The following PPTC7 variants were observed in gnomAD, a reference collection of about 807,000 sequenced individuals.
The protein encoded by PPTC7 is protein phosphatase targeting COQ7, also known as protein phosphatase PTC7 homolog.
PPTC7 carries 6 observed loss-of-function variants against 30.8 expected under a neutral mutation model. The ratio of observed to expected loss-of-function variants is 0.19; its 90% CI spans 0.11 to 0.38. The LOEUF is 0.38. Ranked by LOEUF, PPTC7 falls within the 10% of genes least tolerant of loss-of-function variation. The pLI is 1.00. For synonymous variants in PPTC7, 163 were observed against 168.1 expected (o/e 0.97, Z 0.23); for missense variants, 218 against 404.8 (o/e 0.54, Z 3.96).
At chr12:110,563,338 C>T (rs774018168) in intron 1 of PPTC7, among the ~76,000 whole-genome samples, 1 of 151,998 alleles carries the variant, frequency 6.6e-6, no homozygotes, top group Middle Eastern at 3.4e-3. Flanking sequence ...TGAAAATGGC[C>T]GCATGAGGTG....
intron 1 of PPTC7, among the ~76,000 whole-genome samples, chr12:110,576,196 ATATT>A (rs1183237083): frequency 1.3e-5 from 2 of 152,120 alleles, no homozygotes. Flanking sequence ...GAAATCAGGC[ATATT>A]TAAAGTACTG....
intron 5 of PPTC7, 120 bp from the exon 6 acceptor site, chr12:110,537,215 T>C (rs2064225034): frequency 1.4e-6 from 1 of 692,066 alleles, no homozygotes; most frequent in East Asian, 2.7e-5. Flanking sequence ...GGTTTGTCAG[T>C]ATACCCTAGT....
intron 2 of PPTC7, among the ~76,000 whole-genome samples, chr12:110,551,371 G>A (rs1412968768): frequency 6.6e-6 from 1 of 152,160 alleles, no homozygotes; most frequent in Non-Finnish European, 1.5e-5. Context: ...TGGAGATGGA[G>A]TTTCACTCTT....
chr12:110,551,490 G>T (rs773259948), intron 2 of PPTC7, among the ~76,000 whole-genome samples: 1 of 152,166 alleles, frequency 6.6e-6, no homozygotes, highest in Non-Finnish European at 1.5e-5. Context: ...GGGATTACAG[G>T]CATGCGCCAC....
chr12:110,575,607 C>CAAAA (rs55831249), intron 1 of PPTC7, among the ~76,000 whole-genome samples: 6 of 26,540 alleles, frequency 2.3e-4, no homozygotes, highest in Non-Finnish European at 3.3e-4. Context: ...AACCCCACCT[C>CAAAA]AAAAAAAAAA....
At chr12:110,537,129 T>C in intron 5 of PPTC7, 34 bp from the exon 6 acceptor site, 1 of 1,523,714 alleles carries the variant, frequency 6.6e-7, no homozygotes, top group Non-Finnish European at 9.1e-7. Flanking sequence ...CAGTATATTT[T>C]AAAAGGAAAA....
intron 3 of PPTC7, among the ~76,000 whole-genome samples, chr12:110,545,103 T>G (rs950211683): frequency 6.6e-6 from 1 of 151,278 alleles, no homozygotes; most frequent in Non-Finnish European, 1.5e-5. Context: ...ATTGTTTTGG[T>G]TTTTTTTGAG....
At chr12:110,564,908 T>C (rs1726960271) in intron 1 of PPTC7, among the ~76,000 whole-genome samples, 1 of 150,388 alleles carries the variant, frequency 6.6e-6, no homozygotes, top group Non-Finnish European at 1.5e-5. Flanking sequence ...GAATTTCACT[T>C]TTGTCGTCCA....
chr12:110,553,313 C>CT (rs1007974426), intron 1 of PPTC7, among the ~76,000 whole-genome samples: 6 of 151,524 alleles, frequency 4.0e-5, no homozygotes, highest in Non-Finnish European at 5.9e-5. Context: ...TCACGCCTGG[C>CT]TTTTTTGTAT....
chr12:110,556,767 A>C (rs1269746292), intron 1 of PPTC7, among the ~76,000 whole-genome samples: 1 of 152,152 alleles, frequency 6.6e-6, no homozygotes, highest in East Asian at 1.9e-4. Context: ...GGTCTCTGAG[A>C]AGCTCCCCTG....
chr12:110,563,895 A>AC (rs1033031858), intron 1 of PPTC7, among the ~76,000 whole-genome samples: 1 of 152,250 alleles, frequency 6.6e-6, no homozygotes, highest in African/African-American at 2.4e-5. Context: ...AAAAGTGCTG[A>AC]CATGAGGATT....
At chr12:110,569,280 C>T (rs1593163285) in intron 1 of PPTC7, among the ~76,000 whole-genome samples, 2 of 150,946 alleles carry the variant, frequency 1.3e-5, no homozygotes, top group Admixed American at 6.6e-5. Flanking sequence ...TTGAAGTGAG[C>T]GGAGATCACA....
intron 1 of PPTC7, among the ~76,000 whole-genome samples, chr12:110,557,468 A>G (rs1313788830): frequency 3.9e-5 from 6 of 152,074 alleles, no homozygotes; most frequent in African/African-American, 1.4e-4. Context: ...TTGTAGAAAC[A>G]GGGTCTCACT....
chr12:110,561,103 A>C (rs529358937), intron 1 of PPTC7, among the ~76,000 whole-genome samples: 6 of 152,318 alleles, frequency 3.9e-5, no homozygotes, highest in African/African-American at 1.4e-4. Context: ...TCTAATGAGA[A>C]AGGGGGCTAA....
chr12:110,540,779 CTT>C (rs781591348), intron 3 of PPTC7, among the ~76,000 whole-genome samples: 11 of 142,120 alleles, frequency 7.7e-5, no homozygotes, highest in South Asian at 2.2e-4. Context: ...ACATGCCAAT[CTT>C]TTTTTTTTTT....
intron 1 of PPTC7, among the ~76,000 whole-genome samples, chr12:110,575,261 A>G (rs2064578694): frequency 6.6e-6 from 1 of 152,158 alleles, no homozygotes; most frequent in Non-Finnish European, 1.5e-5. Context: ...TAAAACTTCC[A>G]GTTTGAAAAG....
chr12:110,582,774 G>A (rs751773011), intron 1 of PPTC7, 35 bp downstream of exon 1: 6 of 1,503,250 alleles, frequency 4.0e-6, no homozygotes, highest in South Asian at 2.5e-5. Flanking sequence ...AGGCGGATCC[G>A]AGGCTGGGGC....
Position 110,582,797 on chromosome 12 carries a change from T to C in PPTC7, c.223+12A>G, listed in dbSNP as rs1440419267. On this transcript the variant is annotated intron_variant, in intron 1 of 5. Transcript: ENST00000354300. ...CCGAGGCTGGGGCAAGGGAACCGGG[T>C]CGGGGACTCACCGAGCACGTCCGCG... is the stretch of plus-strand genomic sequence containing the variant. 11 of 1,548,346 alleles carry C rather than the reference T, an allele frequency of 7.1e-6. No homozygotes were observed. The highest frequency in any genetic ancestry group is 9.6e-6 in the Non-Finnish European group (11 of 1,146,714).
At chr12:110,548,504 A>G (rs2064327273) in intron 2 of PPTC7, among the ~76,000 whole-genome samples, 1 of 152,202 alleles carries the variant, frequency 6.6e-6, no homozygotes. Flanking sequence ...AACCCGCTCC[A>G]TAGCTTACAG....
Sources: gnomAD v4.1 joint callset for allele counts (sites outside exome capture counted in the v4.1 genomes callset) on GRCh38, gnomAD v4.1.1 for gene constraint, MANE v1.5 for transcripts, NCBI Gene and HGNC (gene_info 2026-07-23, HGNC 2026-07-21) for gene names.